The following GLYATL2 variants were observed in gnomAD, a reference collection of about 807,000 sequenced individuals.
GLYATL2 encodes glycine-N-acyltransferase like 2.
GLYATL2 carries 25 observed loss-of-function variants against 21.4 expected under a neutral mutation model. That is an observed-to-expected ratio of 1.17 (90% CI 0.85 to 1.63). The LOEUF (loss-of-function observed/expected upper bound fraction) is 1.63, where lower values mean the gene tolerates loss of function less well. Among genes scored for constraint, GLYATL2 ranks in the 40% most tolerant of loss-of-function variants. The probability of loss-of-function intolerance (pLI) is 0.00; values close to 1 mark genes in which losing one functional copy is unlikely to be tolerated. For missense variants in GLYATL2, 361 were observed against 343.3 expected (o/e 1.05, Z -0.41); for synonymous variants, 114 against 118.2 (o/e 0.96, Z 0.23).
chr11:58,850,936 G>C (rs12808905), intron 1 of GLYATL2, among the ~76,000 whole-genome samples: 4 of 152,172 alleles, frequency 2.6e-5, no homozygotes, highest in African/African-American at 9.7e-5. Flanking sequence ...CCTCTAGATA[G>C]CAGTAGCAAA....
intron 4 of GLYATL2, 28 bp downstream of exon 4, chr11:58,837,243 T>A (rs972311085): frequency 7.4e-6 from 12 of 1,613,096 alleles, no homozygotes; most frequent in East Asian, 4.5e-5. Context: ...AAACCATGGA[T>A]CTTTTTCTTT....
At chr11:58,861,772 C>T (rs780723683) in intron 1 of GLYATL2, among the ~76,000 whole-genome samples, 8 of 151,732 alleles carry the variant, frequency 5.3e-5, no homozygotes, top group Non-Finnish European at 1.5e-5. Flanking sequence ...ATTTTAATTT[C>T]CTCTTTAATC....
chr11:58,873,585 C>T (rs1044342184), intron 1 of GLYATL2, among the ~76,000 whole-genome samples: 23 of 152,078 alleles, frequency 1.5e-4, no homozygotes, highest in Non-Finnish European at 3.1e-4. Context: ...TACTGGATTA[C>T]GTTTATTGAT....
At chr11:58,838,487 G>C (rs995701608) in intron 2 of GLYATL2, 119 bp from the exon 3 acceptor site, 4 of 616,868 alleles carry the variant, frequency 6.5e-6, no homozygotes, top group Non-Finnish European at 1.1e-5. Context: ...GAGGACTTAG[G>C]ATGGGCCAGT....
At chr11:58,896,750 A>T (rs60200180) in intron 1 of GLYATL2, among the ~76,000 whole-genome samples, 1 of 83,858 alleles carries the variant, frequency 1.2e-5, no homozygotes, top group Non-Finnish European at 2.9e-5. Flanking sequence ...TTTTGTTTTT[A>T]TTTTAACGGT....
intron 1 of GLYATL2, among the ~76,000 whole-genome samples, chr11:58,866,797 A>G (rs1293588937): frequency 6.7e-6 from 1 of 149,116 alleles, no homozygotes; most frequent in Non-Finnish European, 1.5e-5. Flanking sequence ...AGAATTTATT[A>G]TAAGTTAGAT....
upstream of GLYATL2, among the ~76,000 whole-genome samples, chr11:58,845,959 T>C (rs1853634863): frequency 6.6e-6 from 1 of 152,174 alleles, no homozygotes; most frequent in South Asian, 2.1e-4. Flanking sequence ...AGTTTTATAG[T>C]TTTAGTTACT....
In GLYATL2 at chr11:58,864,220, G is replaced by A. The variant is rs78656302; in HGVS notation, n.61-25852C>T. Among the ~76,000 whole-genome samples the A allele has an allele frequency of 5.1e-3, 774 of 152,242 alleles. 5 individuals are homozygous for A. The highest frequency in any genetic ancestry group is 0.018 in the African/African-American group (738 of 41,538). ...CTGGCCTGGTGACTAAAGTTGCAGG[G>A]GCCAGCCTTGTTCTGGGGCTGGTCT... On this transcript the variant is annotated intron_variant and non_coding_transcript_variant, in intron 1 of 4. Transcript: ENST00000533636.
intron 1 of GLYATL2, among the ~76,000 whole-genome samples, chr11:58,870,360 A>G (rs1346623115): frequency 6.6e-6 from 1 of 152,170 alleles, no homozygotes; most frequent in Non-Finnish European, 1.5e-5. Flanking sequence ...ATGTGACTGG[A>G]GGGATTTCAG....
chr11:58,901,823 G>A (rs538904319), intron 1 of GLYATL2, among the ~76,000 whole-genome samples: 38 of 152,278 alleles, frequency 2.5e-4, no homozygotes, highest in African/African-American at 8.9e-4. Flanking sequence ...CTGCCCCACT[G>A]GAGGTAGACA....
At chr11:58,906,459 G>A (rs1854888832), upstream of GLYATL2, among the ~76,000 whole-genome samples, 1 of 152,104 alleles carries the variant, frequency 6.6e-6, no homozygotes, top group African/African-American at 2.4e-5. Flanking sequence ...GAGAGCTCCT[G>A]TTCAAAGTTC....
chr11:58,878,288 C>A, intron 1 of GLYATL2: 1 of 471,466 alleles, frequency 2.1e-6, no homozygotes, highest in South Asian at 3.3e-5. Flanking sequence ...TGAAGTGGAG[C>A]TTCTAGTATC....
At chr11:58,841,402 G>A (rs1212245289) in intron 1 of GLYATL2, among the ~76,000 whole-genome samples, 1 of 152,106 alleles carries the variant, frequency 6.6e-6, no homozygotes, top group African/African-American at 2.4e-5. Flanking sequence ...CTATAAAATG[G>A]GGATAGTAAT....
intron 1 of GLYATL2, among the ~76,000 whole-genome samples, chr11:58,899,971 C>A (rs1854707196): frequency 6.6e-6 from 1 of 151,606 alleles, no homozygotes; most frequent in African/African-American, 2.4e-5. Context: ...TTTCAGAGTC[C>A]ATCGAATTGT....
chr11:58,881,119 TA>T (rs1380090920), intron 1 of GLYATL2, among the ~76,000 whole-genome samples: 10 of 152,198 alleles, frequency 6.6e-5, no homozygotes, highest in African/African-American at 2.2e-4. Flanking sequence ...TGAAGTCAAT[TA>T]AAAAAACTAA....
intron 1 of GLYATL2, among the ~76,000 whole-genome samples, chr11:58,886,665 T>C (rs549519): frequency 0.88 from 134,443 of 152,226 alleles, 60,620 homozygotes; most frequent in Non-Finnish European, 0.98. Flanking sequence ...AAGGAATACA[T>C]GATTAAGCTG....
chr11:58,875,370 G>T (rs1374776680), intron 1 of GLYATL2, among the ~76,000 whole-genome samples: 1 of 152,194 alleles, frequency 6.6e-6, no homozygotes, highest in Non-Finnish European at 1.5e-5. Flanking sequence ...AGTTGATGCA[G>T]TTTCTTCCTA....
At chr11:58,891,249 C>T (rs1411857600) in intron 1 of GLYATL2, among the ~76,000 whole-genome samples, 1 of 152,166 alleles carries the variant, frequency 6.6e-6, no homozygotes, top group Non-Finnish European at 1.5e-5. Context: ...AAACCTCTCA[C>T]ACTTATTGTT....
chr11:58,905,491 C>T (rs1259757737), upstream of GLYATL2: 1 of 456,284 alleles, frequency 2.2e-6, no homozygotes, highest in Non-Finnish European at 4.4e-6. Context: ...CCTTGCAGCT[C>T]TCCTCAGCGC....
Sources: allele counts gnomAD v4.1 joint callset (sites outside exome capture counted in the v4.1 genomes callset), GRCh38; gene constraint gnomAD v4.1.1; transcripts MANE v1.5; gene names NCBI Gene and HGNC (gene_info 2026-07-23, HGNC 2026-07-21).